Variants in NKAIN2 observed in about 807,000 individuals in gnomAD.
NKAIN2 encodes sodium/potassium-transporting ATPase subunit beta-1-interacting protein 2.
A neutral mutation model predicts 32.6 loss-of-function variants in NKAIN2; 14 were observed. That is an observed-to-expected ratio of 0.43 (90% CI 0.28 to 0.67). The LOEUF is 0.67. NKAIN2 is among the 30% of genes least tolerant of loss of function. The pLI, the probability that NKAIN2 is intolerant of heterozygous loss-of-function variation, is 0.17. For missense variants in NKAIN2, 198 were observed against 258.3 expected (o/e 0.77, Z 1.60); for synonymous variants, 80 against 87.2 (o/e 0.92, Z 0.46).
chr6:124,561,350 C>T (rs762944829), intron 3 of NKAIN2, among the ~76,000 whole-genome samples: 7 of 152,114 alleles, frequency 4.6e-5, no homozygotes, highest in Non-Finnish European at 1.0e-4. Flanking sequence ...TTTGCAATCT[C>T]GTGTTTTATG....
chr6:123,885,108 C>T (rs1399596614), intron 1 of NKAIN2, among the ~76,000 whole-genome samples: 3 of 152,014 alleles, frequency 2.0e-5, no homozygotes, highest in African/African-American at 4.8e-5. Context: ...TGATTTGGGG[C>T]CTTTTAATAT....
At chr6:124,430,259 C>T (rs1330722464) in intron 3 of NKAIN2, among the ~76,000 whole-genome samples, 2 of 152,206 alleles carry the variant, frequency 1.3e-5, no homozygotes, top group African/African-American at 4.8e-5. Flanking sequence ...AAAAGTTTCT[C>T]TAGAAATATG....
intron 1 of NKAIN2, among the ~76,000 whole-genome samples, chr6:124,201,158 T>G (rs1300017194): frequency 6.6e-6 from 1 of 152,040 alleles, no homozygotes; most frequent in Non-Finnish European, 1.5e-5. Context: ...TAATACATAT[T>G]TGTTCTGGAT....
chr6:123,812,372 A>C (rs1360221975), intron 1 of NKAIN2, among the ~76,000 whole-genome samples: 1 of 152,230 alleles, frequency 6.6e-6, no homozygotes, highest in Non-Finnish European at 1.5e-5. Context: ...AATAATGCAT[A>C]AAGATATTTA....
intron 3 of NKAIN2, among the ~76,000 whole-genome samples, chr6:124,518,499 G>T (rs9482564): frequency 0.013 from 1,944 of 152,128 alleles, 36 homozygotes; most frequent in African/African-American, 0.04. Context: ...ACCTCCAGAG[G>T]CTTACAAGGT....
intron 2 of NKAIN2, among the ~76,000 whole-genome samples, chr6:124,286,008 C>T (rs1795522152): frequency 6.6e-6 from 1 of 151,946 alleles, no homozygotes; most frequent in South Asian, 2.1e-4. Flanking sequence ...GCCATATTTT[C>T]TCTGTAATAT....
At chr6:123,924,259 C>T (rs1348814747) in intron 1 of NKAIN2, among the ~76,000 whole-genome samples, 1 of 152,172 alleles carries the variant, frequency 6.6e-6, no homozygotes, top group Non-Finnish European at 1.5e-5. Context: ...GCAGTAATGC[C>T]GGTGAGTCTT....
intron 1 of NKAIN2, among the ~76,000 whole-genome samples, chr6:123,811,686 A>G (rs548215725): frequency 2.7e-4 from 41 of 152,224 alleles, no homozygotes; most frequent in African/African-American, 9.9e-4. Flanking sequence ...TAACATCTTT[A>G]CAGTTTTAAT....
At chr6:124,696,301 G>A (rs914144540) in intron 4 of NKAIN2, among the ~76,000 whole-genome samples, 3 of 152,138 alleles carry the variant, frequency 2.0e-5, no homozygotes, top group African/African-American at 7.2e-5. Context: ...AGCTCAGAGA[G>A]AGAGTTTGCT....
At chr6:124,771,749 AT>A (rs1370548029) in intron 4 of NKAIN2, among the ~76,000 whole-genome samples, 5 of 152,232 alleles carry the variant, frequency 3.3e-5, no homozygotes, top group African/African-American at 7.2e-5. Context: ...CTGAATCTAA[AT>A]TTTTTTTAAA....
intron 4 of NKAIN2, among the ~76,000 whole-genome samples, chr6:124,776,386 A>C (rs6923501): frequency 0.18 from 26,959 of 151,988 alleles, 3,110 homozygotes; most frequent in African/African-American, 0.32. Flanking sequence ...GAAGAGTAGG[A>C]AGTGGATCAC....
chr6:124,682,987 T>C (rs1773694457), intron 4 of NKAIN2, among the ~76,000 whole-genome samples: 2 of 152,150 alleles, frequency 1.3e-5, no homozygotes, highest in Admixed American at 6.6e-5. Context: ...GTTTTGACTG[T>C]GCAGCCAGCA....
intron 3 of NKAIN2, among the ~76,000 whole-genome samples, chr6:124,424,820 C>T (rs1774912936): frequency 2.6e-5 from 4 of 152,264 alleles, no homozygotes; most frequent in Admixed American, 2.6e-4. Context: ...ATGATGCACA[C>T]AGCTTATTTC....
chr6:123,885,745 C>T (rs913440631), intron 1 of NKAIN2, among the ~76,000 whole-genome samples: 1 of 151,916 alleles, frequency 6.6e-6, no homozygotes, highest in Admixed American at 6.6e-5. Context: ...CTAAAGTAGC[C>T]TGCCAATCAG....
At chr6:123,843,737 G>A (rs1774975568) in intron 1 of NKAIN2, among the ~76,000 whole-genome samples, 1 of 152,058 alleles carries the variant, frequency 6.6e-6, no homozygotes, top group African/African-American at 2.4e-5. Flanking sequence ...GCTACAGAAA[G>A]AACAGGGGTT....
chr6:124,279,098 G>A (rs1377850085), intron 1 of NKAIN2, among the ~76,000 whole-genome samples: 3 of 151,988 alleles, frequency 2.0e-5, no homozygotes, highest in Admixed American at 2.0e-4. Flanking sequence ...ATGCCTATAT[G>A]CTCCATCTAC....
At position 124,308,196 on chromosome 6, in the gene NKAIN2, G is replaced by A. The variant is rs985254253; in HGVS notation, c.192+25054G>A. 2.0e-5 allele frequency among the ~76,000 whole-genome samples: 3 copies of A among 148,310 alleles called. No individual in the cohort carries two copies. The Admixed American group carries it at 2.0e-4, about 10-fold the overall frequency. Reference sequence around the variant, plus strand: ...CTGATGTTCCCCTCCCTGTAACCATGTGTTCTCATTTTTCAACTTCCACTT... The same window carrying A: ...CTGATGTTCCCCTCCCTGTAACCATATGTTCTCATTTTTCAACTTCCACTT... On this transcript the variant is annotated intron_variant, in intron 2 of 6. Coordinates refer to ENST00000368417, the MANE Select transcript of NKAIN2 (RefSeq NM_001040214.3).
intron 1 of NKAIN2, among the ~76,000 whole-genome samples, chr6:124,073,164 G>A (rs1192746403): frequency 1.3e-5 from 2 of 152,204 alleles, no homozygotes; most frequent in Admixed American, 1.3e-4. Flanking sequence ...AAGCTTGGAT[G>A]GGCGGAGTTG....
chr6:123,988,876 T>A (rs1271881560), intron 1 of NKAIN2, among the ~76,000 whole-genome samples: 2 of 62,486 alleles, frequency 3.2e-5, no homozygotes, highest in African/African-American at 7.8e-5. Flanking sequence ...ACCTTAAGAG[T>A]GTGTGTGTGT....
Sources: allele counts gnomAD v4.1 joint callset (sites outside exome capture counted in the v4.1 genomes callset), GRCh38; gene constraint gnomAD v4.1.1; transcripts MANE v1.5; gene names NCBI Gene and HGNC (gene_info 2026-07-23, HGNC 2026-07-21).